RERG: variants seen among roughly 807,000 people sequenced by gnomAD.
The protein encoded by RERG is RAS like estrogen regulated growth inhibitor.
A neutral mutation model predicts 23.2 loss-of-function variants in RERG; 25 were observed. The observed-to-expected ratio is 1.08, with a 90% CI of 0.79 to 1.50. The LOEUF is 1.50. Among genes scored for constraint, RERG ranks in the 40% most tolerant of loss-of-function variants. The probability of loss-of-function intolerance (pLI) is 0.00; values close to 1 mark genes in which losing one functional copy is unlikely to be tolerated. For synonymous variants in RERG, 81 were observed against 89.1 expected (o/e 0.91, Z 0.51); for missense variants, 253 against 250.1 (o/e 1.01, Z -0.08).
intron 2 of RERG, among the ~76,000 whole-genome samples, chr12:15,130,252 C>T (rs1864022315): frequency 6.6e-6 from 1 of 152,142 alleles, no homozygotes; most frequent in African/African-American, 2.4e-5. Flanking sequence ...TGCCAGAGTG[C>T]CACTTTCTGG....
chr12:15,189,038 T>C (rs1865032795), intron 2 of RERG, among the ~76,000 whole-genome samples: 1 of 152,228 alleles, frequency 6.6e-6, no homozygotes, highest in Admixed American at 6.5e-5. Flanking sequence ...TAATGTTCTA[T>C]GTTTGCCCTG....
At chr12:15,200,218 G>A (rs985854155) in intron 2 of RERG, among the ~76,000 whole-genome samples, 33 of 152,094 alleles carry the variant, frequency 2.2e-4, no homozygotes, top group Non-Finnish European at 1.6e-4. Flanking sequence ...ACAAGAGCTC[G>A]TGTTTTCTTA....
intron 2 of RERG, among the ~76,000 whole-genome samples, chr12:15,177,113 AT>A (rs1254720305): frequency 1.3e-5 from 2 of 152,220 alleles, no homozygotes; most frequent in African/African-American, 4.8e-5. Flanking sequence ...ATTCAAATAA[AT>A]TTAAGACCAT....
intron 2 of RERG, among the ~76,000 whole-genome samples, chr12:15,169,121 A>G (rs1006908228): frequency 2.0e-5 from 3 of 152,242 alleles, no homozygotes; most frequent in Non-Finnish European, 2.9e-5. Flanking sequence ...TGATAAGTGC[A>G]AACTTAAACC....
chr12:15,121,862 G>C (rs1404629220), intron 2 of RERG, among the ~76,000 whole-genome samples: 1 of 152,138 alleles, frequency 6.6e-6, no homozygotes, highest in Non-Finnish European at 1.5e-5. Context: ...CTTATCCATT[G>C]TATCAAACTG....
intron 2 of RERG, among the ~76,000 whole-genome samples, chr12:15,175,458 C>A (rs1235689436): frequency 2.0e-5 from 3 of 150,596 alleles, no homozygotes; most frequent in Non-Finnish European, 4.4e-5. Context: ...CCTGCTTGCA[C>A]AGGGCTTCAA....
At chr12:15,161,158 GAAA>G (rs2136113395) in intron 2 of RERG, among the ~76,000 whole-genome samples, 1 of 106,602 alleles carries the variant, frequency 9.4e-6, no homozygotes, top group African/African-American at 3.6e-5. Flanking sequence ...AAGAAAGAAA[GAAA>G]GAAAGAAAGA....
At chr12:15,143,659 T>C (rs1456929047) in intron 2 of RERG, among the ~76,000 whole-genome samples, 1 of 152,150 alleles carries the variant, frequency 6.6e-6, no homozygotes, top group Non-Finnish European at 1.5e-5. Context: ...AGATGAAATC[T>C]CTTCCCTCAA....
intron 3 of RERG, among the ~76,000 whole-genome samples, chr12:15,120,109 T>C (rs1234307593): frequency 1.3e-5 from 2 of 152,010 alleles, no homozygotes; most frequent in Non-Finnish European, 1.5e-5. Context: ...AGGAGGAAAA[T>C]TGGTCAACGA....
At chr12:15,203,837 A>T (rs1396077934) in intron 2 of RERG, among the ~76,000 whole-genome samples, 1 of 151,806 alleles carries the variant, frequency 6.6e-6, no homozygotes, top group African/African-American at 2.4e-5. Flanking sequence ...AGAATAAAAA[A>T]CTTGGGGAAA....
intron 2 of RERG, among the ~76,000 whole-genome samples, chr12:15,159,032 AATT>A: frequency 6.6e-6 from 1 of 152,334 alleles, no homozygotes; most frequent in East Asian, 1.9e-4. Context: ...TGCCTGAATC[AATT>A]ATTTTGATAA....
chr12:15,216,011 G>A (rs1159916664), intron 2 of RERG, among the ~76,000 whole-genome samples: 1 of 152,186 alleles, frequency 6.6e-6, no homozygotes, highest in Non-Finnish European at 1.5e-5. Context: ...TGGAAGTCTG[G>A]AATGAAGGAA....
At chr12:15,118,433 A>G (rs942066335) in intron 3 of RERG, among the ~76,000 whole-genome samples, 1 of 152,132 alleles carries the variant, frequency 6.6e-6, no homozygotes, top group African/African-American at 2.4e-5. Context: ...AGAATTCAAG[A>G]CTGCTTCTTG....
In RERG at chr12:15,130,918, C is replaced by CT. The variant is rs970537398; in HGVS notation, c.62-9800dup. ...GTGCATCTCAAGTCTGGAAAATTGA[C>CT]TTTTTTTTTTAACTTGGAAATGGTA... On this transcript the variant is annotated intron_variant, in intron 2 of 4. Coordinates refer to ENST00000256953, the MANE Select transcript of RERG (RefSeq NM_032918.3). Among the ~76,000 whole-genome samples the CT allele has an allele frequency of 1.2e-3, 179 of 149,156 alleles. 1 individual carries two copies. Among genetic ancestry groups the CT allele is most frequent in the African/African-American group, 3.5e-3 (141 of 40,584 alleles).
At chr12:15,166,955 T>C (rs1033828036) in intron 2 of RERG, among the ~76,000 whole-genome samples, 1 of 152,126 alleles carries the variant, frequency 6.6e-6, no homozygotes, top group African/African-American at 2.4e-5. Flanking sequence ...TTCCTGACCC[T>C]AAGATTCAGT....
At chr12:15,191,312 A>C (rs1865067892) in intron 2 of RERG, among the ~76,000 whole-genome samples, 2 of 152,082 alleles carry the variant, frequency 1.3e-5, no homozygotes. Flanking sequence ...CTCCCTTATC[A>C]TCTCTATGCA....
chr12:15,170,166 A>G (rs114458669), intron 2 of RERG, among the ~76,000 whole-genome samples: 2,020 of 152,334 alleles, frequency 0.013, 41 homozygotes, highest in African/African-American at 0.045. Context: ...TAAAAGTGCA[A>G]TTTTATTTAA....
At chr12:15,151,344 G>C (rs1051482415) in intron 2 of RERG, among the ~76,000 whole-genome samples, 5 of 152,144 alleles carry the variant, frequency 3.3e-5, no homozygotes, top group African/African-American at 1.2e-4. Context: ...CAGATACACA[G>C]TCCACAGCTT....
chr12:15,199,867 C>G (rs965247047), intron 2 of RERG, among the ~76,000 whole-genome samples: 8 of 152,064 alleles, frequency 5.3e-5, no homozygotes, highest in African/African-American at 1.9e-4. Flanking sequence ...GATTTCTTGG[C>G]AATTCCTTTC....
Sources: allele counts gnomAD v4.1 joint callset (sites outside exome capture counted in the v4.1 genomes callset), GRCh38; gene constraint gnomAD v4.1.1; transcripts MANE v1.5; gene names NCBI Gene and HGNC (gene_info 2026-07-23, HGNC 2026-07-21).